Variants in TMCC3 observed in about 807,000 individuals in gnomAD.
TMCC3 encodes the protein transmembrane and coiled-coil domain protein 3.
In TMCC3, 28 loss-of-function variants were observed where a neutral mutation model predicts 40.2. The observed-to-expected ratio is 0.70, with a 90% CI of 0.52 to 0.95. TMCC3 has a LOEUF of 0.95. Among genes scored for constraint, TMCC3 ranks in the 40% least tolerant of loss-of-function variants. The probability of loss-of-function intolerance (pLI) is 0.00; values close to 1 mark genes in which losing one functional copy is unlikely to be tolerated. For missense variants in TMCC3, 554 were observed against 615.2 expected (o/e 0.90, Z 1.05); for synonymous variants, 255 against 248.5 (o/e 1.03, Z -0.25).
At chr12:94,648,665 C>A (rs961605981) in intron 1 of TMCC3, among the ~76,000 whole-genome samples, 2 of 152,244 alleles carry the variant, frequency 1.3e-5, no homozygotes, top group Non-Finnish European at 2.9e-5. Context: ...TTACCACATT[C>A]CACCTAAGCA....
intron 1 of TMCC3, among the ~76,000 whole-genome samples, chr12:94,626,288 A>G (rs986407717): frequency 6.6e-6 from 1 of 152,242 alleles, no homozygotes; most frequent in Non-Finnish European, 1.5e-5. Context: ...GACAAACCGT[A>G]TCATCTGCTA....
At chr12:94,590,297 G>A (rs766303941) in intron 1 of TMCC3, among the ~76,000 whole-genome samples, 37 of 132,080 alleles carry the variant, frequency 2.8e-4, no homozygotes, top group Non-Finnish European at 5.3e-4. Flanking sequence ...GAAGAGATGG[G>A]GTTTTACTAT....
In TMCC3 at chr12:94,614,944, C is replaced by T. The variant is rs145878774; in HGVS notation, c.79-32406G>A. 3.2e-3 allele frequency among the ~76,000 whole-genome samples: 480 copies of T among 151,744 alleles called. 8 individuals are homozygous for T. The highest frequency in any genetic ancestry group is 0.011 in the African/African-American group (467 of 41,450). ...TCCCAGCTAATTTTTGTATTTTAAA[C>T]AACAGAAATGTAACCTCCAAGACCC... is the stretch of plus-strand genomic sequence containing the variant. On this transcript the variant is annotated intron_variant, in intron 1 of 3. Transcript: ENST00000261226.
chr12:94,637,039 T>TA lies in TMCC3; in HGVS notation c.78+13313dup, dbSNP rs200437302. Among the ~76,000 whole-genome samples the TA allele has an allele frequency of 2.6e-3, 389 of 149,234 alleles. 3 individuals are homozygous for TA. The highest frequency in any genetic ancestry group is 0.019 in the Admixed American group (277 of 14,952). ...TTATGGTACTTTGTTACACAACAGTTAAAAAAAAAATAGAGTCAGGAATGA... is the reference window on the plus strand; with the variant it reads ...TTATGGTACTTTGTTACACAACAGTTAAAAAAAAAAATAGAGTCAGGAATGA... On this transcript the variant is annotated intron_variant, in intron 1 of 3. Transcript: ENST00000261226.
intron 1 of TMCC3, among the ~76,000 whole-genome samples, chr12:94,584,749 G>A (rs1269651784): frequency 6.6e-6 from 1 of 152,076 alleles, no homozygotes; most frequent in South Asian, 2.1e-4. Context: ...TCTGGCAGAG[G>A]AGCACCATAT....
At position 94,622,621 on chromosome 12, in the gene TMCC3, A is replaced by AC. The variant is rs199678343; in HGVS notation, c.78+27731dup. On this transcript the variant is annotated intron_variant, in intron 1 of 3. Transcript: ENST00000261226. ...TCAGGAAACCTTTCTAGTCCAGGGC[A>AC]CATGTGATCCAAAAAACACATTCAT... 4.5e-3 allele frequency among the ~76,000 whole-genome samples: 692 copies of AC among 152,310 alleles called. 5 individuals are homozygous for AC. The highest frequency in any genetic ancestry group is 0.016 in the African/African-American group (657 of 41,574).
chr12:94,594,027 G>A (rs2068699542), intron 1 of TMCC3, among the ~76,000 whole-genome samples: 1 of 152,122 alleles, frequency 6.6e-6, no homozygotes, highest in African/African-American at 2.4e-5. Flanking sequence ...AACTGTGGAG[G>A]GATGTGAGGC....
At chr12:94,637,298 A>G (rs1054893457) in intron 1 of TMCC3, among the ~76,000 whole-genome samples, 2 of 152,230 alleles carry the variant, frequency 1.3e-5, no homozygotes, top group Non-Finnish European at 2.9e-5. Flanking sequence ...ACATCTCTGT[A>G]CTATTTTGTG....
intron 1 of TMCC3, among the ~76,000 whole-genome samples, chr12:94,599,780 C>T (rs146302309): frequency 3.5e-4 from 54 of 152,240 alleles, no homozygotes; most frequent in Non-Finnish European, 1.8e-4. Context: ...AGATGTCTAA[C>T]GTTTTCCACC....
chr12:94,643,288 C>G (rs1247820368), intron 1 of TMCC3, among the ~76,000 whole-genome samples: 1 of 152,160 alleles, frequency 6.6e-6, no homozygotes. Context: ...GCAGGGGACA[C>G]AAGAAGGCAT....
At chr12:94,577,595 G>A (rs937451324) in intron 3 of TMCC3, among the ~76,000 whole-genome samples, 2 of 152,142 alleles carry the variant, frequency 1.3e-5, no homozygotes, top group Non-Finnish European at 2.9e-5. Context: ...ATGACTGACT[G>A]CTCCCATGGT....
intron 1 of TMCC3, among the ~76,000 whole-genome samples, chr12:94,619,220 C>T (rs1037999041): frequency 2.6e-5 from 4 of 152,198 alleles, no homozygotes; most frequent in Non-Finnish European, 5.9e-5. Context: ...CTCAAAATTG[C>T]TTTACGGCTT....
intron 1 of TMCC3, chr12:94,615,803 A>T: frequency 2.0e-6 from 1 of 500,016 alleles, no homozygotes; most frequent in Non-Finnish European, 2.6e-6. Flanking sequence ...GATAACTATT[A>T]AGAGCACAAA....
chr12:94,646,236 T>C (rs17023008), intron 1 of TMCC3, among the ~76,000 whole-genome samples: 8,121 of 152,048 alleles, frequency 0.053, 375 homozygotes, highest in East Asian at 0.26. Flanking sequence ...AAAGGTGCGG[T>C]GGTATTGCTA....
At chr12:94,592,082 A>G (rs2068679865) in intron 1 of TMCC3, among the ~76,000 whole-genome samples, 1 of 152,202 alleles carries the variant, frequency 6.6e-6, no homozygotes, top group African/African-American at 2.4e-5. Flanking sequence ...TGGAGGGGAA[A>G]AATCTTAAGG....
chr12:94,627,247 C>T (rs184712089), intron 1 of TMCC3, among the ~76,000 whole-genome samples: 22 of 152,290 alleles, frequency 1.4e-4, no homozygotes, highest in Admixed American at 2.6e-4. Context: ...AAAACCAGGC[C>T]TGTTGCCCCC....
At chr12:94,572,306 CTTTT>C (rs527894810) in intron 3 of TMCC3, among the ~76,000 whole-genome samples, 19 of 50,656 alleles carry the variant, frequency 3.8e-4, no homozygotes, top group South Asian at 7.5e-4. Context: ...CCGACTTCAT[CTTTT>C]TTTTTTTTTT....
At chr12:94,627,314 AG>A (rs978086469) in intron 1 of TMCC3, among the ~76,000 whole-genome samples, 4 of 152,196 alleles carry the variant, frequency 2.6e-5, no homozygotes, top group Admixed American at 6.5e-5. Flanking sequence ...TCAGCACACT[AG>A]GGGAGGGCTT....
chr12:94,571,792 G>C (rs1035756626), intron 3 of TMCC3, 55 bp from the exon 4 acceptor site: 3 of 1,567,272 alleles, frequency 1.9e-6, no homozygotes, highest in Non-Finnish European at 2.6e-6. Flanking sequence ...TGAGCAACAC[G>C]TGAGTGCTCG....
Sources: allele counts gnomAD v4.1 joint callset (sites outside exome capture counted in the v4.1 genomes callset), GRCh38; gene constraint gnomAD v4.1.1; transcripts MANE v1.5; gene names NCBI Gene and HGNC (gene_info 2026-07-23, HGNC 2026-07-21).